ABCB1: variants seen among roughly 807,000 people sequenced by gnomAD.
ABCB1 encodes ATP-dependent translocase ABCB1.
In ABCB1, 69 loss-of-function variants were observed where a neutral mutation model predicts 142.0. The ratio of observed to expected loss-of-function variants is 0.49; its 90% CI spans 0.40 to 0.59. ABCB1 has a LOEUF of 0.59. Among genes scored for constraint, ABCB1 ranks in the 20% least tolerant of loss-of-function variants. ABCB1 has a pLI of 0.00. For synonymous variants in ABCB1, 532 were observed against 539.2 expected (o/e 0.99, Z 0.18); for missense variants, 1,326 against 1,554.7 (o/e 0.85, Z 2.47).
At chr7:87,526,478 C>T (rs1272535351) in intron 21 of ABCB1, among the ~76,000 whole-genome samples, 1 of 151,318 alleles carries the variant, frequency 6.6e-6, no homozygotes, top group Admixed American at 6.6e-5. Context: ...CTCAGGAGTT[C>T]GAGACCAGCC....
At chr7:87,605,039 C>T (rs1043305911), upstream of ABCB1, among the ~76,000 whole-genome samples, 7 of 152,156 alleles carry the variant, frequency 4.6e-5, no homozygotes, top group Non-Finnish European at 1.0e-4. Flanking sequence ...AGTATGACAT[C>T]AGAGGCAGAT....
intron 21 of ABCB1, among the ~76,000 whole-genome samples, chr7:87,524,364 A>T (rs1037250528): frequency 6.6e-6 from 1 of 152,228 alleles, no homozygotes; most frequent in Admixed American, 6.5e-5. Flanking sequence ...TAGTCACTTT[A>T]GAAAATCGTA....
At chr7:87,705,516 A>G (rs1430129331) in intron 1 of ABCB1, among the ~76,000 whole-genome samples, 1 of 152,216 alleles carries the variant, frequency 6.6e-6, no homozygotes, top group East Asian at 1.9e-4. Context: ...TAGCCATAAG[A>G]CTTAAACATA....
chr7:87,539,287 A>G lies in ABCB1; in HGVS notation c.2378T>C (p.Phe793Ser). 1 of 1,614,138 alleles carries G rather than the reference A, an allele frequency of 6.2e-7. No homozygotes were observed. The highest frequency in any genetic ancestry group is 8.5e-7 in the Non-Finnish European group (1 of 1,179,998). The change falls in exon 19 of 28, where the codon TTC (phenylalanine) becomes TCC (serine). Residue 793 changes from phenylalanine (F) to serine (S), a missense_variant. Transcript: ENST00000622132. ...ACATACCTGTCTGAGCATGGATCGGAAAACCATGTATCGGAGCCGCTTGGT... is the reference window on the plus strand; with the variant it reads ...ACATACCTGTCTGAGCATGGATCGGGAAACCATGTATCGGAGCCGCTTGGT... Reference protein sequence around the residue: ...ILTKRLRYMVFRSMLRQDVSW... With the variant: ...ILTKRLRYMVSRSMLRQDVSW...
At chr7:87,659,341 A>C in intron 1 of ABCB1, 1 of 271,078 alleles carries the variant, frequency 3.7e-6, no homozygotes, top group South Asian at 3.6e-5. Context: ...TACTTTTTAG[A>C]ATTCCATTTT....
chr7:87,627,833 G>A (rs1470959496), intron 1 of ABCB1: 1 of 152,414 alleles, frequency 6.6e-6, no homozygotes, highest in African/African-American at 2.4e-5. Context: ...TCAGTCCCGG[G>A]TGCGGGCTGC....
intron 1 of ABCB1, among the ~76,000 whole-genome samples, chr7:87,700,958 C>G (rs1453051792): frequency 2.0e-5 from 3 of 152,216 alleles, no homozygotes; most frequent in African/African-American, 2.4e-5. Context: ...CCACCATGCA[C>G]TCAGTATTTT....
intron 1 of ABCB1, among the ~76,000 whole-genome samples, chr7:87,664,569 T>A (rs1362852154): frequency 6.6e-6 from 1 of 151,992 alleles, no homozygotes. Flanking sequence ...AAATAAAATC[T>A]TCAGGAAGAA....
chr7:87,578,405 C>T (rs981906365), intron 4 of ABCB1, among the ~76,000 whole-genome samples: 1 of 151,978 alleles, frequency 6.6e-6, no homozygotes, highest in Non-Finnish European at 1.5e-5. Context: ...CTGTTTTTTT[C>T]GTGGTTCCAT....
chr7:87,688,068 C>A (rs1420666951), intron 1 of ABCB1, among the ~76,000 whole-genome samples: 1 of 152,102 alleles, frequency 6.6e-6, no homozygotes, highest in Non-Finnish European at 1.5e-5. Context: ...GAAATTGGCT[C>A]TTAAGGTCAC....
intron 25 of ABCB1, among the ~76,000 whole-genome samples, chr7:87,510,805 C>T (rs1314761007): frequency 6.6e-6 from 1 of 152,102 alleles, no homozygotes; most frequent in Admixed American, 6.5e-5. Flanking sequence ...CTATTCCACA[C>T]ATGTATGCTC....
chr7:87,685,663 A>G (rs1018371892), intron 1 of ABCB1, among the ~76,000 whole-genome samples: 4 of 152,164 alleles, frequency 2.6e-5, no homozygotes, highest in Non-Finnish European at 4.4e-5. Context: ...AAGTGGTACT[A>G]GGGATTAAAG....
intron 4 of ABCB1, among the ~76,000 whole-genome samples, chr7:87,581,478 A>G (rs1818503239): frequency 6.6e-6 from 1 of 152,192 alleles, no homozygotes; most frequent in Non-Finnish European, 1.5e-5. Context: ...ACAAAAAAAA[A>G]AGTGATATGA....
At chr7:87,656,255 A>G (rs1372266620) in intron 1 of ABCB1, among the ~76,000 whole-genome samples, 1 of 152,142 alleles carries the variant, frequency 6.6e-6, no homozygotes, top group African/African-American at 2.4e-5. Flanking sequence ...TGTCAATTTA[A>G]AAATTTTTAA....
At chr7:87,525,829 C>G (rs944560382) in intron 21 of ABCB1, among the ~76,000 whole-genome samples, 2 of 152,066 alleles carry the variant, frequency 1.3e-5, no homozygotes, top group Non-Finnish European at 2.9e-5. Flanking sequence ...ATTGTGGTCT[C>G]TGTCTGACTT....
chr7:87,525,085 C>T (rs890405106), intron 21 of ABCB1, among the ~76,000 whole-genome samples: 9 of 152,054 alleles, frequency 5.9e-5, no homozygotes, highest in Admixed American at 1.3e-4. Flanking sequence ...TTCATCTTGA[C>T]GCACAATGAA....
intron 20 of ABCB1, among the ~76,000 whole-genome samples, chr7:87,532,901 A>G (rs576457174): frequency 1.3e-5 from 2 of 152,254 alleles, no homozygotes; most frequent in South Asian, 2.1e-4. Flanking sequence ...AATTCCCTAC[A>G]TTAATCCCTA....
chr7:87,577,490 T>G (rs1024732735), intron 4 of ABCB1, among the ~76,000 whole-genome samples: 2 of 152,208 alleles, frequency 1.3e-5, no homozygotes, highest in Non-Finnish European at 2.9e-5. Context: ...CCCCATACTG[T>G]TCTCCATCAT....
At chr7:87,619,465 G>C (rs1439122439) in intron 1 of ABCB1, among the ~76,000 whole-genome samples, 1 of 151,682 alleles carries the variant, frequency 6.6e-6, no homozygotes, top group East Asian at 1.9e-4. Context: ...CTTGAACCCA[G>C]GAGGCAGAGG....
Sources: allele counts gnomAD v4.1 joint callset (sites outside exome capture counted in the v4.1 genomes callset), GRCh38; gene constraint gnomAD v4.1.1; transcripts MANE v1.5; gene names NCBI Gene and HGNC (gene_info 2026-07-23, HGNC 2026-07-21).